ST8SIA5: variants seen among roughly 807,000 people sequenced by gnomAD.
ST8SIA5 encodes ST8 alpha-N-acetyl-neuraminide alpha-2,8-sialyltransferase 5, also known as alpha-2,8-sialyltransferase 8E.
Under a neutral mutation model 40.2 loss-of-function variants are expected in ST8SIA5, and 24 were observed. The observed-to-expected ratio is 0.60, with a 90% CI of 0.43 to 0.84. The LOEUF (loss-of-function observed/expected upper bound fraction) is 0.84, where lower values mean the gene tolerates loss of function less well. ST8SIA5 is among the 40% of genes least tolerant of loss of function. The pLI, the probability that ST8SIA5 is intolerant of heterozygous loss-of-function variation, is 0.00. For synonymous variants in ST8SIA5, 198 were observed against 201.8 expected (o/e 0.98, Z 0.16); for missense variants, 465 against 498.5 (o/e 0.93, Z 0.64).
chr18:46,686,534 C>T (rs1428008903), intron 4 of ST8SIA5, among the ~76,000 whole-genome samples: 1 of 152,188 alleles, frequency 6.6e-6, no homozygotes, highest in African/African-American at 2.4e-5. Flanking sequence ...CAGCTTTCCT[C>T]CTGGCACACA....
chr18:46,680,266 G>A lies in ST8SIA5; in HGVS notation c.907C>T (p.Leu303Phe). The change falls in exon 7 of 7, where the codon CTC (leucine) becomes TTC (phenylalanine). Residue 303 changes from leucine (L) to phenylalanine (F), a missense_variant. Physicochemically the swap from Leu to Phe is conservative, Grantham distance 22 (BLOSUM62 0). Transcript: ENST00000315087. ...GVRAKRISTG[L>F]ILVTAALELC... ...TCCAGCGCCGCAGTGACCAGAATGA[G>A]GCCGGTGCTGATGCGCTTGGCGCGC... The A allele has an allele frequency of 6.2e-7, 1 of 1,614,258 alleles. No homozygotes were observed. The highest frequency in any genetic ancestry group is 8.5e-7 in the Non-Finnish European group (1 of 1,180,052).
chr18:46,747,601 G>C (rs927185267), intron 1 of ST8SIA5, among the ~76,000 whole-genome samples: 10 of 152,136 alleles, frequency 6.6e-5, no homozygotes, highest in Non-Finnish European at 1.3e-4. Context: ...AGAGAAATAG[G>C]AACACTTTTA....
Position 46,679,819 on chromosome 18 carries a change from T to G in ST8SIA5, c.*223A>C, listed in dbSNP as rs1054412882. The G allele has an allele frequency of 1.4e-5, 8 of 581,026 alleles. No individual in the cohort carries two copies. The African/African-American group carries it at 1.5e-4, about 11-fold the overall frequency. The allele number at this position is 581,026 out of a possible 1,614,324, so 36.0% of individuals were successfully genotyped here. Reference sequence around the variant, plus strand: ...AGGGCAGGTGGACGCACTGGGCGGATGCACCGGTGGGGGCCAGGCCAGGAG... The same window carrying G: ...AGGGCAGGTGGACGCACTGGGCGGAGGCACCGGTGGGGGCCAGGCCAGGAG... On this transcript the variant is annotated 3_prime_UTR_variant, in exon 7 of 7. Transcript: ENST00000315087.
At chr18:46,729,295 AAGAAACT>A (rs1396871971) in intron 1 of ST8SIA5, among the ~76,000 whole-genome samples, 54 of 152,306 alleles carry the variant, frequency 3.5e-4, no homozygotes, top group African/African-American at 1.2e-3. Flanking sequence ...CTTCCTAGGG[AAGAAACT>A]AGACTTTATA....
chr18:46,738,183 T>A (rs1425416261), intron 1 of ST8SIA5, among the ~76,000 whole-genome samples: 1 of 149,044 alleles, frequency 6.7e-6, no homozygotes, highest in African/African-American at 2.5e-5. Context: ...AAGAAGTGAA[T>A]GACCTGGATA....
intron 1 of ST8SIA5, among the ~76,000 whole-genome samples, chr18:46,714,942 T>A (rs905346960): frequency 1.3e-5 from 2 of 152,088 alleles, no homozygotes; most frequent in African/African-American, 4.8e-5. Flanking sequence ...GGAGCAACCC[T>A]GACTTAAGGA....
At chr18:46,704,450 C>T (rs2039649102) in intron 2 of ST8SIA5, 122 bp downstream of exon 2, 5 of 836,270 alleles carry the variant, frequency 6.0e-6, no homozygotes, top group South Asian at 4.9e-5. Context: ...ACCTACTTTT[C>T]GCTCTATAGG....
chr18:46,736,489 A>G (rs1038760202), intron 1 of ST8SIA5, among the ~76,000 whole-genome samples: 1 of 152,158 alleles, frequency 6.6e-6, no homozygotes, highest in African/African-American at 2.4e-5. Flanking sequence ...ACCCCCTAAA[A>G]TGAACTTGGA....
At chr18:46,697,377 G>A (rs1037366576) in intron 2 of ST8SIA5, among the ~76,000 whole-genome samples, 6 of 152,074 alleles carry the variant, frequency 3.9e-5, no homozygotes, top group African/African-American at 1.4e-4. Context: ...TTCTACTTAG[G>A]GTACAAAGAA....
chr18:46,691,228 C>A (rs1210139024), intron 3 of ST8SIA5, among the ~76,000 whole-genome samples: 1 of 152,212 alleles, frequency 6.6e-6, no homozygotes, highest in Non-Finnish European at 1.5e-5. Flanking sequence ...CCTCTGGCAC[C>A]TGATCTTCAA....
intron 1 of ST8SIA5, among the ~76,000 whole-genome samples, chr18:46,739,727 G>A (rs77520787): frequency 0.073 from 11,149 of 152,202 alleles, 746 homozygotes; most frequent in East Asian, 0.31. Flanking sequence ...CATCACCTTC[G>A]GGAATGAAGG....
intron 1 of ST8SIA5, among the ~76,000 whole-genome samples, chr18:46,736,128 A>G (rs2040031778): frequency 6.6e-6 from 1 of 152,218 alleles, no homozygotes; most frequent in Non-Finnish European, 1.5e-5. Flanking sequence ...CACAAACAAT[A>G]TAAAAAAATT....
chr18:46,694,101 T>C (rs1399073227), intron 2 of ST8SIA5, among the ~76,000 whole-genome samples: 1 of 152,136 alleles, frequency 6.6e-6, no homozygotes, highest in Non-Finnish European at 1.5e-5. Flanking sequence ...TCCAGAAAGA[T>C]CCAGGAAGCT....
intron 1 of ST8SIA5, among the ~76,000 whole-genome samples, chr18:46,747,693 C>G (rs1166303894): frequency 1.3e-5 from 2 of 152,144 alleles, no homozygotes; most frequent in Non-Finnish European, 2.9e-5. Flanking sequence ...ACTAGAAATA[C>G]CATTTGACCC....
Position 46,688,807 on chromosome 18 carries a change from TGTG to T in ST8SIA5, c.421_423del (p.His141del). 6.2e-7 allele frequency: 1 copy of T among 1,613,606 alleles called. No individual in the cohort carries two copies. Among genetic ancestry groups the T allele is most frequent in the Non-Finnish European group, 8.5e-7 (1 of 1,179,832 alleles). On this transcript the variant is annotated inframe_deletion, in exon 4 of 7. Coordinates refer to ENST00000315087, the MANE Select transcript of ST8SIA5 (RefSeq NM_013305.6). ...AACATGCGGAAGATCTCCTGGTTGA[TGTG>T]GTAGATGCCACTGGTGTCCACCTCA...
chr18:46,717,510 T>C (rs991965074), intron 1 of ST8SIA5, among the ~76,000 whole-genome samples: 3 of 152,090 alleles, frequency 2.0e-5, no homozygotes, highest in African/African-American at 4.8e-5. Flanking sequence ...TAATTTTGTA[T>C]TTTTAGTAGA....
chr18:46,680,796 G>A (rs1016748523), intron 6 of ST8SIA5, among the ~76,000 whole-genome samples: 3 of 152,208 alleles, frequency 2.0e-5, no homozygotes, highest in Non-Finnish European at 4.4e-5. Flanking sequence ...GATGAGGGTG[G>A]CCCAAGGGAG....
At chr18:46,688,254 G>A (rs1215169433) in intron 4 of ST8SIA5, among the ~76,000 whole-genome samples, 1 of 152,210 alleles carries the variant, frequency 6.6e-6, no homozygotes, top group Non-Finnish European at 1.5e-5. Context: ...TATTTTAGAA[G>A]TTCTGTTATA....
intron 1 of ST8SIA5, among the ~76,000 whole-genome samples, chr18:46,744,606 A>G (rs542663593): frequency 2.6e-5 from 4 of 152,328 alleles, no homozygotes; most frequent in Admixed American, 2.6e-4. Context: ...ACTCCCACAC[A>G]ATAATAATGG....
Sources: gnomAD v4.1 joint callset for allele counts (sites outside exome capture counted in the v4.1 genomes callset) on GRCh38, gnomAD v4.1.1 for gene constraint, MANE v1.5 for transcripts, NCBI Gene and HGNC (gene_info 2026-07-23, HGNC 2026-07-21) for gene names.